The following PTPN2 variants were observed in gnomAD, a reference collection of about 807,000 sequenced individuals.
PTPN2 encodes protein tyrosine phosphatase non-receptor type 2.
A neutral mutation model predicts 57.3 loss-of-function variants in PTPN2; 19 were observed. That is an observed-to-expected ratio of 0.33 (90% confidence interval 0.23 to 0.49). PTPN2 has a LOEUF of 0.49. Ranked by LOEUF, PTPN2 falls within the 20% of genes least tolerant of loss-of-function variation. The pLI, the probability that PTPN2 is intolerant of heterozygous loss-of-function variation, is 0.99. For missense variants in PTPN2, 358 were observed against 501.1 expected (o/e 0.71, Z 2.73); for synonymous variants, 153 against 164.9 (o/e 0.93, Z 0.55).
chr18:12,872,559 G>T (rs2044304856), intron 1 of PTPN2, among the ~76,000 whole-genome samples: 1 of 152,156 alleles, frequency 6.6e-6, no homozygotes. Context: ...ACAGTGCTGG[G>T]ATTACAGGTG....
intron 2 of PTPN2, among the ~76,000 whole-genome samples, chr18:12,852,754 T>C (rs905858863): frequency 4.6e-5 from 7 of 152,240 alleles, no homozygotes; most frequent in Admixed American, 1.3e-4. Context: ...GTAGTTTCCA[T>C]ATGTCAGTCT....
intron 4 of PTPN2, among the ~76,000 whole-genome samples, chr18:12,826,548 T>A (rs1444082201): frequency 6.6e-6 from 1 of 152,212 alleles, no homozygotes; most frequent in East Asian, 1.9e-4. Context: ...AGGCAAGCAC[T>A]GATCCATTTT....
At chr18:12,870,310 CATAT>C (rs1338348193) in intron 1 of PTPN2, among the ~76,000 whole-genome samples, 13 of 57,518 alleles carry the variant, frequency 2.3e-4, no homozygotes, top group Admixed American at 1.4e-3. Context: ...TGTATATATA[CATAT>C]ATATGTGTAT....
chr18:12,815,222 G>A (rs955843408), intron 6 of PTPN2, among the ~76,000 whole-genome samples: 10 of 151,720 alleles, frequency 6.6e-5, no homozygotes, highest in Non-Finnish European at 1.2e-4. Context: ...GACCTTCCTG[G>A]ACAACATGGT....
At chr18:12,871,722 T>C (rs991582743) in intron 1 of PTPN2, among the ~76,000 whole-genome samples, 2 of 152,074 alleles carry the variant, frequency 1.3e-5, no homozygotes, top group Non-Finnish European at 2.9e-5. Context: ...TTCTTTTATG[T>C]TTAGATTATT....
chr18:12,856,271 G>A (rs1430493821), intron 2 of PTPN2, among the ~76,000 whole-genome samples: 3 of 152,184 alleles, frequency 2.0e-5, no homozygotes, highest in East Asian at 1.9e-4. Context: ...CACAAGCCTT[G>A]GAAGAGATCA....
intron 1 of PTPN2, chr18:12,883,667 C>T (rs562119907): frequency 6.2e-6 from 1 of 162,380 alleles, no homozygotes; most frequent in African/African-American, 2.4e-5. Context: ...GAGCAAGAAC[C>T]AAGCACAGCG....
chr18:12,849,123 T>C (rs2043307432), intron 2 of PTPN2, among the ~76,000 whole-genome samples: 1 of 152,244 alleles, frequency 6.6e-6, no homozygotes. Flanking sequence ...GTTGCAGTTA[T>C]CTCTTAGAAA....
chr18:12,883,297 G>A, intron 1 of PTPN2, among the ~76,000 whole-genome samples: 1 of 152,188 alleles, frequency 6.6e-6, no homozygotes, highest in East Asian at 1.9e-4. Flanking sequence ...CGCTATCACT[G>A]GACGAACACA....
At chr18:12,840,304 A>G (rs2043000761) in intron 2 of PTPN2, among the ~76,000 whole-genome samples, 1 of 152,220 alleles carries the variant, frequency 6.6e-6, no homozygotes, top group Non-Finnish European at 1.5e-5. Context: ...AACAACAAAT[A>G]TTATGCATTC....
rs115640967 is a variant in PTPN2 at position 12,794,549 on chromosome 18, C to G, written c.1041-64G>C. 6.1e-4 allele frequency: 962 copies of G among 1,570,048 alleles called. 4 individuals are homozygous for G. In the African/African-American group the frequency reaches 0.011, roughly 18 times the overall value. On this transcript the variant is annotated intron_variant, in intron 8 of 8. Coordinates refer to ENST00000309660, the MANE Select transcript of PTPN2 (RefSeq NM_002828.4). ...AGAGCAGGACTTGAGTACTCTAACA[C>G]AGAGGACCTAGGCGCAAATAAAACC...
At chr18:12,874,579 G>C (rs2044415365) in intron 1 of PTPN2, among the ~76,000 whole-genome samples, 1 of 134,162 alleles carries the variant, frequency 7.5e-6, no homozygotes, top group Non-Finnish European at 1.6e-5. Context: ...CGTCCGGGAG[G>C]GAGGTGGGGG....
chr18:12,879,822 C>G (rs571256767), intron 1 of PTPN2, among the ~76,000 whole-genome samples: 1 of 152,300 alleles, frequency 6.6e-6, no homozygotes, highest in East Asian at 1.9e-4. Context: ...AAGAGCAAAG[C>G]CTTTCTTTTC....
intron 5 of PTPN2, among the ~76,000 whole-genome samples, chr18:12,824,684 G>A (rs1326387924): frequency 6.6e-6 from 1 of 152,120 alleles, no homozygotes; most frequent in Non-Finnish European, 1.5e-5. Context: ...TGGCGAAAGG[G>A]GGAGAAATGC....
chr18:12,864,730 T>A (rs1274737170), intron 1 of PTPN2, among the ~76,000 whole-genome samples: 1 of 152,198 alleles, frequency 6.6e-6, no homozygotes, highest in African/African-American at 2.4e-5. Flanking sequence ...GTTTACTTTC[T>A]CCTATTATTT....
intron 3 of PTPN2, among the ~76,000 whole-genome samples, chr18:12,836,128 G>A (rs58188281): frequency 0.027 from 4,046 of 152,296 alleles, 74 homozygotes; most frequent in Middle Eastern, 0.041. Context: ...TCTTTAGGGG[G>A]AAAGACAGCC....
At chr18:12,798,382 T>C (rs1222208454) in intron 8 of PTPN2, among the ~76,000 whole-genome samples, 2 of 152,156 alleles carry the variant, frequency 1.3e-5, no homozygotes, top group African/African-American at 2.4e-5. Context: ...TACCCATTAG[T>C]TATTTTTCCT....
chr18:12,883,110 C>T (rs2044718178), intron 1 of PTPN2, among the ~76,000 whole-genome samples: 1 of 152,218 alleles, frequency 6.6e-6, no homozygotes, highest in African/African-American at 2.4e-5. Context: ...CATCGGAACA[C>T]CGTGCCCCCG....
chr18:12,853,474 A>G lies in PTPN2; in HGVS notation c.160+5690T>C, dbSNP rs568874377. Among the ~76,000 whole-genome samples, 4 of 152,312 alleles carry G rather than the reference A, an allele frequency of 2.6e-5. No homozygotes were observed. The South Asian group carries it at 8.3e-4, about 32-fold the overall frequency. On this transcript the variant is annotated intron_variant, in intron 2 of 8. Coordinates refer to ENST00000309660, the MANE Select transcript of PTPN2 (RefSeq NM_002828.4). ...ATTTTTAAATTACATAATGACTATC[A>G]GTTGGAAAAGGTACAGCAACACCAT...
Sources: gnomAD v4.1 joint callset for allele counts (sites outside exome capture counted in the v4.1 genomes callset) on GRCh38, gnomAD v4.1.1 for gene constraint, MANE v1.5 for transcripts, NCBI Gene and HGNC (gene_info 2026-07-23, HGNC 2026-07-21) for gene names.